ANK1: variants seen among roughly 807,000 people sequenced by gnomAD.
ANK1 encodes ankyrin-1.
In ANK1, 51 loss-of-function variants were observed where a neutral mutation model predicts 210.4. The ratio of observed to expected loss-of-function variants is 0.24; its 90% CI spans 0.19 to 0.31. The LOEUF is 0.31. Ranked by LOEUF, ANK1 falls within the 10% of genes least tolerant of loss-of-function variation. ANK1 has a pLI of 1.00. For synonymous variants in ANK1, 967 were observed against 1,025.9 expected (o/e 0.94, Z 1.10); for missense variants, 2,051 against 2,504.4 (o/e 0.82, Z 3.86).
chr8:41,729,749 T>A (rs988549924), intron 3 of ANK1, among the ~76,000 whole-genome samples: 1 of 152,248 alleles, frequency 6.6e-6, no homozygotes, highest in Non-Finnish European at 1.5e-5. Context: ...CCTCCATCTG[T>A]TCCCGGGATA....
chr8:41,849,711 A>G (rs1052814438), intron 1 of ANK1, among the ~76,000 whole-genome samples: 5 of 152,192 alleles, frequency 3.3e-5, no homozygotes, highest in Non-Finnish European at 5.9e-5. Context: ...ATTCTTTAAT[A>G]GTTAATGCTC....
intron 2 of ANK1, among the ~76,000 whole-genome samples, chr8:41,736,481 T>C (rs1833441068): frequency 6.6e-6 from 1 of 152,212 alleles, no homozygotes; most frequent in African/African-American, 2.4e-5. Flanking sequence ...TGCCCTGTGA[T>C]TGCTTGGGAA....
At chr8:41,819,141 C>G (rs1306075342) in intron 1 of ANK1, among the ~76,000 whole-genome samples, 1 of 152,250 alleles carries the variant, frequency 6.6e-6, no homozygotes, top group African/African-American at 2.4e-5. Context: ...TGGGTCCCCT[C>G]TCCACAGCAG....
In ANK1 at chr8:41,777,154, A is replaced by G. The variant is rs184014324; in HGVS notation, c.28-19017T>C. ...AGCTGCATTTCTTTCTACGTTGCTT[A>G]TCTGCAGAAAACTCTGCCCATCCCA... On this transcript the variant is annotated intron_variant, in intron 1 of 42. Coordinates refer to ENST00000289734, the MANE Select transcript of ANK1 (RefSeq NM_000037.4). 3.0e-3 allele frequency among the ~76,000 whole-genome samples: 462 copies of G among 152,358 alleles called. 3 individuals carry two copies. Among genetic ancestry groups the G allele is most frequent in the South Asian group, 5.2e-3 (25 of 4,830 alleles).
Position 41,672,414 on chromosome 8 carries a change from C to A in ANK1, c.5036G>T (p.Gly1679Val). ...GGGGGAATGTGTGATTCGGGCTTGC[C>A]CCCTCTGATGGCCTGAAACAAGAGA... ...EVSLVSGHQRGQARITHSPTV... is the reference protein window; with the variant it reads ...EVSLVSGHQRVQARITHSPTV... The change falls in exon 38 of 43, where the codon GGG becomes GTG. Residue 1679 changes from glycine (G) to valine (V), a missense_variant. Around this residue, in one of 6 missense-constraint regions of ANK1, gnomAD observed 496 missense variants for 533.4 expected, o/e 0.93. Coordinates refer to ENST00000289734, the MANE Select transcript of ANK1 (RefSeq NM_000037.4). 1 of 1,614,222 alleles carries A rather than the reference C, an allele frequency of 6.2e-7. No homozygotes were observed. Among genetic ancestry groups the A allele is most frequent in the Non-Finnish European group, 8.5e-7 (1 of 1,180,040 alleles).
intron 1 of ANK1, among the ~76,000 whole-genome samples, chr8:41,885,591 AC>A (rs969874114): frequency 6.6e-6 from 1 of 152,170 alleles, no homozygotes; most frequent in Non-Finnish European, 1.5e-5. Context: ...GATCCATCAC[AC>A]ACCTGTCCCT....
chr8:41,742,444 G>A (rs78371589), intron 2 of ANK1, among the ~76,000 whole-genome samples: 13 of 152,216 alleles, frequency 8.5e-5, no homozygotes, highest in South Asian at 2.1e-4. Context: ...TATTTCACCC[G>A]TGCACAAGGC....
chr8:41,695,050 A>C, intron 27 of ANK1, 127 bp downstream of exon 27: 1 of 1,339,024 alleles, frequency 7.5e-7, no homozygotes, highest in South Asian at 1.2e-5. Flanking sequence ...GCTTGTCCAC[A>C]CCAGGCCATT....
chr8:41,663,850 A>C, intron 39 of ANK1, 108 bp from the exon 40 acceptor site: 2 of 891,358 alleles, frequency 2.2e-6, no homozygotes, highest in Admixed American at 1.8e-5. Flanking sequence ...CCATGGCCCA[A>C]TAACTCCCCC....
intron 1 of ANK1, among the ~76,000 whole-genome samples, chr8:41,781,052 G>A (rs1016810412): frequency 1.3e-5 from 2 of 152,186 alleles, no homozygotes; most frequent in African/African-American, 4.8e-5. Context: ...AACCAGAAGT[G>A]CTAAAGAGAA....
chr8:41,655,957 T>G (rs987748787), intron 42 of ANK1, among the ~76,000 whole-genome samples: 5 of 152,250 alleles, frequency 3.3e-5, no homozygotes, highest in African/African-American at 1.2e-4. Context: ...TTGCTCCCTA[T>G]GCAGAGGCTG....
At chr8:41,865,373 G>C (rs189645098) in intron 1 of ANK1, among the ~76,000 whole-genome samples, 58 of 152,182 alleles carry the variant, frequency 3.8e-4, no homozygotes, top group Admixed American at 3.8e-3. Flanking sequence ...ACAGCTCAAT[G>C]AACATGTGGG....
intron 1 of ANK1, among the ~76,000 whole-genome samples, chr8:41,767,258 G>T (rs887930278): frequency 3.3e-5 from 5 of 151,886 alleles, no homozygotes; most frequent in African/African-American, 9.7e-5. Context: ...CCCGCAGGAC[G>T]GACGCAGAGC....
chr8:41,896,379 G>T (rs1405592192), exon 1 of ANK1: 8 of 1,601,276 alleles, frequency 5.0e-6, no homozygotes, highest in Non-Finnish European at 6.8e-6. Flanking sequence ...CACGGGAGCG[G>T]TTTCTCCGCT....
chr8:41,758,694 C>T (rs1451285150), intron 1 of ANK1, among the ~76,000 whole-genome samples: 1 of 151,910 alleles, frequency 6.6e-6, no homozygotes, highest in South Asian at 2.1e-4. Context: ...CAGGAAGAAT[C>T]AGCCTTTGAG....
rs79278471 is a variant in ANK1, at chr8:41,805,064, C to G, written c.127-46927G>C. Among the ~76,000 whole-genome samples, 1,066 of 148,050 alleles carry G rather than the reference C, an allele frequency of 7.2e-3. 11 individuals carry two copies. The highest frequency in any genetic ancestry group is 0.036 in the East Asian group (182 of 5,106). ...CATAGAGCTGTTTCTTTCTTTCTCT[C>G]TGTGTGTGTGTGTGTGTGTCGTGTG... On this transcript the variant is annotated intron_variant, in intron 1 of 42. Transcript: ENST00000265709.
At chr8:41,797,708 G>T (rs986921993), upstream of ANK1, 10 of 1,086,726 alleles carry the variant, frequency 9.2e-6, no homozygotes, top group South Asian at 1.0e-4. This position sits in a 1 kb window ranked among gnomAD's most constrained non-coding sequence, Gnocchi z 4.0. Context: ...CTCCCGGCAC[G>T]GGCGGGCGGA....
intron 1 of ANK1, among the ~76,000 whole-genome samples, chr8:41,882,541 T>C (rs1284361740): frequency 6.6e-6 from 1 of 152,090 alleles, no homozygotes; most frequent in Non-Finnish European, 1.5e-5. Flanking sequence ...GGGACTGAAA[T>C]TGAAAAGGAA....
At chr8:41,762,465 G>C (rs1024617928) in intron 1 of ANK1, among the ~76,000 whole-genome samples, 1 of 152,130 alleles carries the variant, frequency 6.6e-6, no homozygotes, top group African/African-American at 2.4e-5. Flanking sequence ...CTTGGGGCAG[G>C]GACCAAGTCT....
Sources: gnomAD v4.1 joint callset for allele counts (sites outside exome capture counted in the v4.1 genomes callset) on GRCh38, gnomAD v4.1.1 for gene constraint, gnomAD v4.1.1 regional missense constraint, Gnocchi (gnomAD v3.1) non-coding constraint, MANE v1.5 for transcripts, NCBI Gene and HGNC (gene_info 2026-07-23, HGNC 2026-07-21) for gene names.